The following HYCC2 variants were observed in gnomAD, a reference collection of about 807,000 sequenced individuals.
The protein encoded by HYCC2 is hyccin 2.
chr2:200,989,335 A>G, the HYCC2 span, among the ~76,000 whole-genome samples: 2 of 152,238 alleles, frequency 1.3e-5, no homozygotes, highest in African/African-American at 4.8e-5. Context: ...AAAGAGATTC[A>G]TAAGTTCAAG....
At chr2:200,991,821 G>T in the HYCC2 span, among the ~76,000 whole-genome samples, 1 of 151,990 alleles carries the variant, frequency 6.6e-6, no homozygotes, top group East Asian at 1.9e-4. Flanking sequence ...AGCACTCTGG[G>T]AGGCTGAGGC....
At chr2:201,008,712 T>G in the HYCC2 span, among the ~76,000 whole-genome samples, 2 of 151,940 alleles carry the variant, frequency 1.3e-5, no homozygotes, top group Non-Finnish European at 2.9e-5. Context: ...CTGGACAACA[T>G]AGCAAGACCT....
chr2:201,044,412 C>A, the HYCC2 span, among the ~76,000 whole-genome samples: 1 of 152,146 alleles, frequency 6.6e-6, no homozygotes, highest in Admixed American at 6.5e-5. Context: ...TTAGCAAGCC[C>A]TAACTACAAC....
the HYCC2 span, among the ~76,000 whole-genome samples, chr2:201,006,404 G>C: frequency 1.3e-5 from 2 of 151,248 alleles, no homozygotes; most frequent in Admixed American, 1.3e-4. Context: ...GCCTCCCAAA[G>C]TGCTGGGATT....
At chr2:201,005,352 A>G in the HYCC2 span, among the ~76,000 whole-genome samples, 2 of 152,138 alleles carry the variant, frequency 1.3e-5, no homozygotes, top group Admixed American at 1.3e-4. Flanking sequence ...TTATTCTCAT[A>G]GTGACAGAAG....
chr2:200,992,337 C>T, the HYCC2 span: 1 of 1,612,268 alleles, frequency 6.2e-7, no homozygotes, highest in Non-Finnish European at 8.5e-7. Context: ...TCATCAAGAA[C>T]TTCCTGGCCA....
At chr2:201,043,573 A>G in the HYCC2 span, among the ~76,000 whole-genome samples, 21 of 144,716 alleles carry the variant, frequency 1.5e-4, no homozygotes, top group African/African-American at 4.9e-4. Context: ...CAGTGGCGTG[A>G]TCTCAGCTCA....
At chr2:201,056,421 T>A in the HYCC2 span, among the ~76,000 whole-genome samples, 2 of 152,080 alleles carry the variant, frequency 1.3e-5, no homozygotes, top group South Asian at 4.1e-4. Context: ...ACGCCTGTAA[T>A]CCTAGCACTT....
chr2:201,071,583 T>G, the HYCC2 span: 1 of 152,478 alleles, frequency 6.6e-6, no homozygotes, highest in Non-Finnish European at 1.5e-5. Flanking sequence ...GCACTTTGCC[T>G]CCCCCAAAGA....
the HYCC2 span, among the ~76,000 whole-genome samples, chr2:201,048,799 C>T: frequency 1.3e-5 from 2 of 151,812 alleles, no homozygotes; most frequent in Admixed American, 6.6e-5. Flanking sequence ...AGGAAGGTAC[C>T]ACAATCATAA....
the HYCC2 span, among the ~76,000 whole-genome samples, chr2:201,034,571 C>CTATG: frequency 3.9e-5 from 6 of 152,178 alleles, no homozygotes; most frequent in Non-Finnish European, 7.3e-5. Context: ...ATTTGCCAGT[C>CTATG]TATGTCTTTT....
At chr2:201,005,075 G>C in the HYCC2 span, among the ~76,000 whole-genome samples, 1 of 151,844 alleles carries the variant, frequency 6.6e-6, no homozygotes, top group African/African-American at 2.4e-5. Flanking sequence ...ACATCCTCAG[G>C]GTAATGGAAC....
chr2:201,056,297 C>T, the HYCC2 span, among the ~76,000 whole-genome samples: 4 of 152,168 alleles, frequency 2.6e-5, no homozygotes, highest in East Asian at 7.7e-4. Context: ...ATGCTCTGCC[C>T]ATTTCCTGAA....
At chr2:201,013,879 C>G in the HYCC2 span, among the ~76,000 whole-genome samples, 2 of 152,096 alleles carry the variant, frequency 1.3e-5, no homozygotes, top group Non-Finnish European at 2.9e-5. Flanking sequence ...ATATACAACT[C>G]CCCCTGGGGC....
At chr2:201,046,735 A>G in the HYCC2 span, among the ~76,000 whole-genome samples, 1 of 152,274 alleles carries the variant, frequency 6.6e-6, no homozygotes, top group South Asian at 2.1e-4. Context: ...TGACAAGAAC[A>G]ATGAGTTTAT....
chr2:201,023,022 A>G, the HYCC2 span: 1 of 858,484 alleles, frequency 1.2e-6, no homozygotes, highest in Non-Finnish European at 1.9e-6. Context: ...CAGATTTATA[A>G]CAAACTCAAG....
chr2:201,042,921 C>T, the HYCC2 span, among the ~76,000 whole-genome samples: 2 of 152,056 alleles, frequency 1.3e-5, no homozygotes, highest in Admixed American at 6.5e-5. Context: ...GCCGCCACCC[C>T]GTCTGGGAGG....
the HYCC2 span, among the ~76,000 whole-genome samples, chr2:201,066,131 GCA>G: frequency 6.6e-6 from 1 of 151,076 alleles, no homozygotes; most frequent in African/African-American, 2.4e-5. Flanking sequence ...AGGCTGGAGT[GCA>G]CACAATCTTG....
At chr2:201,028,436 T>C in the HYCC2 span, among the ~76,000 whole-genome samples, 173 of 152,288 alleles carry the variant, frequency 1.1e-3, no homozygotes, top group African/African-American at 3.8e-3. Context: ...TACCAATGAC[T>C]TTCTTCACAG....
Sources: allele counts gnomAD v4.1 joint callset (sites outside exome capture counted in the v4.1 genomes callset), GRCh38; gene constraint gnomAD v4.1.1; transcripts MANE v1.5; gene names NCBI Gene and HGNC (gene_info 2026-07-23, HGNC 2026-07-21).